The following PLBD1 variants were observed in gnomAD, a reference collection of about 807,000 sequenced individuals.
PLBD1 encodes phospholipase B domain containing 1, also known as lysosomal leucine aminopeptidase.
In PLBD1, 60 loss-of-function variants were observed where a neutral mutation model predicts 63.0. The ratio of observed to expected loss-of-function variants is 0.95; its 90% CI spans 0.77 to 1.18. PLBD1 has a LOEUF of 1.18. Ranked by LOEUF, PLBD1 falls within the 50% of genes most tolerant of loss-of-function variation. The pLI is 0.00. For missense variants in PLBD1, 598 were observed against 677.9 expected, an observed-to-expected ratio of 0.88 and a Z score of 1.31; for synonymous variants, 262 against 248.0, an observed-to-expected ratio of 1.06 and a Z score of -0.53.
chr12:14,540,013 C>CTTAATT (rs1555147086), intron 4 of PLBD1, among the ~76,000 whole-genome samples: 2,636 of 21,476 alleles, frequency 0.12, 238 homozygotes, highest in East Asian at 0.28. Flanking sequence ...AAGCTATGCA[C>CTTAATT]ATATATATAT....
At chr12:14,536,070 C>A (rs1465273374) in intron 5 of PLBD1, 3 of 350,268 alleles carry the variant, frequency 8.6e-6, no homozygotes, top group African/African-American at 4.3e-5. Flanking sequence ...CCAAGGCAGG[C>A]GGATCACTTG....
At position 14,559,045 on chromosome 12, in the gene PLBD1, T is replaced by C. The variant is rs116931315; in HGVS notation, c.116-5633A>G. Among the ~76,000 whole-genome samples, 12 of 152,368 alleles carry C rather than the reference T, an allele frequency of 7.9e-5. No homozygotes were observed. The East Asian group carries it at 2.1e-3, about 27-fold the overall frequency. Reference sequence around the variant, plus strand: ...CAACTCTTCCTGGTTTTCCCAGTATTCATGCTATTTTCTGATTTTCTTAAA... The same window carrying C: ...CAACTCTTCCTGGTTTTCCCAGTATCCATGCTATTTTCTGATTTTCTTAAA... On this transcript the variant is annotated intron_variant, in intron 1 of 10. Coordinates refer to ENST00000240617, the MANE Select transcript of PLBD1 (RefSeq NM_024829.6).
At chr12:14,564,480 G>A (rs1945765670) in intron 1 of PLBD1, among the ~76,000 whole-genome samples, 2 of 152,340 alleles carry the variant, frequency 1.3e-5, no homozygotes, top group South Asian at 4.1e-4. Context: ...AGTGTATGAT[G>A]CCTACCAGGA....
intron 6 of PLBD1, among the ~76,000 whole-genome samples, chr12:14,515,859 C>T (rs895795517): frequency 4.0e-5 from 6 of 150,644 alleles, no homozygotes; most frequent in African/African-American, 1.2e-4. Context: ...TGAGACCAGC[C>T]TGACCAACAT....
chr12:14,561,211 A>G (rs1232886961), intron 1 of PLBD1, among the ~76,000 whole-genome samples: 1 of 151,188 alleles, frequency 6.6e-6, no homozygotes, highest in Non-Finnish European at 1.5e-5. Flanking sequence ...ACTAGCTTCA[A>G]AACAACAATC....
At chr12:14,531,794 G>T (rs1435702875) in intron 6 of PLBD1, among the ~76,000 whole-genome samples, 2 of 152,000 alleles carry the variant, frequency 1.3e-5, no homozygotes, top group Non-Finnish European at 2.9e-5. Context: ...CCAACACTCG[G>T]CTGATTTTTT....
chr12:14,510,473 G>T (rs7955316), intron 8 of PLBD1, among the ~76,000 whole-genome samples: 10,935 of 152,142 alleles, frequency 0.072, 1,290 homozygotes, highest in African/African-American at 0.25. Context: ...TTCAGATCAG[G>T]TCATTTTCTT....
intron 4 of PLBD1, among the ~76,000 whole-genome samples, chr12:14,537,186 G>A (rs377392772): frequency 6.6e-6 from 1 of 152,028 alleles, no homozygotes; most frequent in Non-Finnish European, 1.5e-5. Flanking sequence ...AATTGTTATG[G>A]CTTTATAGTT....
chr12:14,539,350 G>A (rs914235929), intron 4 of PLBD1, among the ~76,000 whole-genome samples: 12 of 151,792 alleles, frequency 7.9e-5, no homozygotes, highest in African/African-American at 1.2e-4. Flanking sequence ...TCCCGCCAGC[G>A]GTCACCACTA....
intron 2 of PLBD1, among the ~76,000 whole-genome samples, chr12:14,549,818 C>T (rs1472063211): frequency 2.0e-5 from 3 of 152,116 alleles, no homozygotes; most frequent in Non-Finnish European, 2.9e-5. Context: ...CAGATGCATA[C>T]CACCATGCCA....
chr12:14,545,987 A>T (rs1346836642), intron 2 of PLBD1, among the ~76,000 whole-genome samples: 1 of 152,228 alleles, frequency 6.6e-6, no homozygotes, highest in Admixed American at 6.5e-5. Context: ...TGTGTGGGTG[A>T]CAAGAAAGGG....
At chr12:14,566,657 A>C (rs1055985294) in intron 1 of PLBD1, among the ~76,000 whole-genome samples, 1 of 152,152 alleles carries the variant, frequency 6.6e-6, no homozygotes, top group African/African-American at 2.4e-5. Flanking sequence ...CCAAGAGGGA[A>C]GTAGTTAAGA....
At position 14,506,965 on chromosome 12, in the gene PLBD1, G is replaced by C. The variant is rs143522122; in HGVS notation, c.1340C>G (p.Thr447Arg). 2 of 1,614,020 alleles carry C rather than the reference G, an allele frequency of 1.2e-6. No individual in the cohort carries two copies. The highest frequency in any genetic ancestry group is 2.2e-5 in the East Asian group (1 of 44,878). ...TCGCATGATATATTTCATGGATGCCGTATCAGTCACTTTCCCTTGGTCACG... is the reference window on the plus strand; with the variant it reads ...TCGCATGATATATTTCATGGATGCCCTATCAGTCACTTTCCCTTGGTCACG... ...FRRDQGKVTD[T>R]ASMKYIMRYN... is the part of the protein sequence containing the mutation. The change falls in exon 9 of 11, where the codon ACG (threonine) becomes AGG (arginine). Residue 447 changes from threonine (T) to arginine (R), a missense_variant. Thr to Arg is a moderately conservative substitution (Grantham distance 71, BLOSUM62 -1). Coordinates refer to ENST00000240617, the MANE Select transcript of PLBD1 (RefSeq NM_024829.6).
chr12:14,567,669 G>T lies in PLBD1; in HGVS notation c.28C>A (p.Pro10Thr), dbSNP rs1232809140. 1.3e-6 allele frequency: 2 copies of T among 1,482,514 alleles called. No individual in the cohort carries two copies. Among genetic ancestry groups the T allele is most frequent in the Non-Finnish European group, 8.9e-7 (1 of 1,126,360 alleles). The allele number at this position is 1,482,514 out of a possible 1,614,324, so 91.8% of individuals were successfully genotyped here. A position where few individuals can be genotyped will look rare whatever the true frequency, so the allele number is the denominator to read the frequency against. Reference protein sequence around the residue: MTRGGPGGRPGLPQPPPLLL... With the variant: MTRGGPGGRTGLPQPPPLLL... ...AGCGGTGGCGGCTGTGGCAGCCCCGGGCGCCCGCCCGGACCGCCGCGGGTC... is the reference window on the plus strand; with the variant it reads ...AGCGGTGGCGGCTGTGGCAGCCCCGTGCGCCCGCCCGGACCGCCGCGGGTC... Residue 10 changes from proline (P) to threonine (T), a missense_variant, in exon 1 of 11, where the codon CCG becomes ACG. Coordinates refer to ENST00000240617, the MANE Select transcript of PLBD1 (RefSeq NM_024829.6).
intron 6 of PLBD1, among the ~76,000 whole-genome samples, chr12:14,517,347 T>G (rs1012334125): frequency 2.0e-5 from 3 of 152,102 alleles, no homozygotes; most frequent in African/African-American, 7.2e-5. Context: ...GGGGTCTTGC[T>G]ATGTTGCACA....
Position 14,542,283 on chromosome 12 carries a change from T to C in PLBD1, c.344A>G (p.Asn115Ser), listed in dbSNP as rs766149414. The change falls in exon 3 of 11, where the codon AAT (asparagine) becomes AGT (serine). Residue 115 changes from asparagine to serine, a missense_variant. Coordinates refer to ENST00000240617, the MANE Select transcript of PLBD1 (RefSeq NM_024829.6). ...LEGYLTAPHM[N>S]DHYTNLYPQL... is the part of the protein sequence containing the mutation. The stretch of plus-strand genomic sequence containing the variant: ...TGGGTAGAGGTTTGTGTAGTGGTCA[T>C]TCATGTGTCTGAAATGATACATGAA... 83 of 1,603,072 alleles carry C rather than the reference T, an allele frequency of 5.2e-5. No individual in the cohort carries two copies. The highest frequency in any genetic ancestry group is 6.6e-5 in the Non-Finnish European group (77 of 1,170,234).
intron 3 of PLBD1, 31 bp downstream of exon 3, chr12:14,542,177 A>G (rs1255816943): frequency 5.8e-6 from 9 of 1,540,046 alleles, no homozygotes; most frequent in Non-Finnish European, 8.1e-6. Context: ...AACATTTAAA[A>G]CAATGAAAAG....
rs772838593 is a variant in PLBD1 at position 14,542,277 on chromosome 12, T to C, written c.350A>G (p.His117Arg). Residue 117 changes from histidine to arginine, a missense_variant, in exon 3 of 11, where the codon CAC (histidine) becomes CGC (arginine). Coordinates refer to ENST00000240617, the MANE Select transcript of PLBD1 (RefSeq NM_024829.6). ...CAGCTGTGGGTAGAGGTTTGTGTAGTGGTCATTCATGTGTCTGAAATGATA... is the reference window on the plus strand; with the variant it reads ...CAGCTGTGGGTAGAGGTTTGTGTAGCGGTCATTCATGTGTCTGAAATGATA... The part of the protein sequence containing the change: ...GYLTAPHMND[H>R]YTNLYPQLIT... 6.2e-7 allele frequency: 1 copy of C among 1,605,734 alleles called. No individual in the cohort carries two copies. Among genetic ancestry groups the C allele is most frequent in the South Asian group, 1.1e-5 (1 of 90,804 alleles).
chr12:14,540,106 T>TTTTATATATATATATATATATATATATA lies in PLBD1; in HGVS notation c.558+657_558+658insTATATATATATATATATATATATATAAA, dbSNP rs71448876. Among the ~76,000 whole-genome samples the TTTTATATATATATATATATATATATATA allele has an allele frequency of 4.7e-5, 3 of 64,032 alleles. 1 individual carries two copies. Among genetic ancestry groups the TTTTATATATATATATATATATATATATA allele is most frequent in the Non-Finnish European group, 8.5e-5 (3 of 35,232 alleles). The allele number at this position is 64,032 out of a possible 152,430, so 42.0% of individuals were successfully genotyped here. On this transcript the variant is annotated intron_variant, in intron 4 of 10. Transcript: ENST00000240617. ...AAAAGAGAGTTATATAATATAAATATTATTTATATATATATATATATATAT... is the reference window on the plus strand; with the variant it reads ...AAAAGAGAGTTATATAATATAAATATTTTATATATATATATATATATATATATATATTTATATATATATATATATATAT...
Sources: allele counts gnomAD v4.1 joint callset (sites outside exome capture counted in the v4.1 genomes callset), GRCh38; gene constraint gnomAD v4.1.1; transcripts MANE v1.5; gene names NCBI Gene and HGNC (gene_info 2026-07-23, HGNC 2026-07-21).